Variants in SNX29 observed in about 807,000 individuals in gnomAD.
SNX29 encodes sorting nexin-29.
SNX29 carries 78 observed loss-of-function variants against 102.1 expected under a neutral mutation model. That is an observed-to-expected ratio of 0.76 (90% confidence interval 0.64 to 0.92). The LOEUF is 0.92. Among genes scored for constraint, SNX29 ranks in the 40% least tolerant of loss-of-function variants. The probability of loss-of-function intolerance (pLI) is 0.00; values close to 1 mark genes in which losing one functional copy is unlikely to be tolerated. For missense variants in SNX29, 1,280 were observed against 1,061.7 expected, an observed-to-expected ratio of 1.21 and a Z score of -2.86; for synonymous variants, 580 against 414.5, an observed-to-expected ratio of 1.40 and a Z score of -4.85.
At chr16:12,432,738 GA>G (rs1209816507) in intron 18 of SNX29, among the ~76,000 whole-genome samples, 2 of 152,174 alleles carry the variant, frequency 1.3e-5, no homozygotes, top group Non-Finnish European at 2.9e-5. Flanking sequence ...ATGTGGGAGG[GA>G]AAAAAAGTTG....
intron 20 of SNX29, among the ~76,000 whole-genome samples, chr16:12,526,384 A>G (rs1320094688): frequency 6.6e-6 from 1 of 151,974 alleles, no homozygotes; most frequent in Non-Finnish European, 1.5e-5. Flanking sequence ...GGCCCTTTGA[A>G]ATTGTCTCCA....
intron 14 of SNX29, among the ~76,000 whole-genome samples, chr16:12,231,536 AAAAAAACAAAAAAC>A (rs140335149): frequency 2.7e-5 from 4 of 150,444 alleles, no homozygotes; most frequent in East Asian, 3.9e-4. Context: ...CCTTTTTAAA[AAAAAAACAAAAAAC>A]AAAAAACAAA....
At chr16:12,264,945 A>C (rs561591977) in intron 14 of SNX29, among the ~76,000 whole-genome samples, 1 of 152,128 alleles carries the variant, frequency 6.6e-6, no homozygotes, top group Non-Finnish European at 1.5e-5. Context: ...ACCATACTAC[A>C]TGCATTTCTG....
chr16:12,344,560 G>C (rs1362955876), intron 15 of SNX29, among the ~76,000 whole-genome samples: 3 of 152,076 alleles, frequency 2.0e-5, no homozygotes, highest in Non-Finnish European at 4.4e-5. Flanking sequence ...AAGAATCTGA[G>C]AATTTTCAGA....
chr16:12,446,841 G>A (rs2086076995), intron 18 of SNX29, among the ~76,000 whole-genome samples: 2 of 152,034 alleles, frequency 1.3e-5, no homozygotes, highest in South Asian at 4.1e-4. Flanking sequence ...GCTGCCTCAT[G>A]TTCTTTATTT....
At chr16:12,342,579 C>G (rs1437692543) in intron 15 of SNX29, among the ~76,000 whole-genome samples, 1 of 152,214 alleles carries the variant, frequency 6.6e-6, no homozygotes, top group African/African-American at 2.4e-5. Context: ...GTGTGTCAAT[C>G]AAAGCTGTAA....
intron 14 of SNX29, among the ~76,000 whole-genome samples, chr16:12,235,044 CTCTT>C (rs1326879126): frequency 6.6e-6 from 1 of 152,048 alleles, no homozygotes; most frequent in Non-Finnish European, 1.5e-5. Context: ...TTGGCTTTGT[CTCTT>C]TCTCTTGGAA....
At chr16:12,138,975 G>A (rs1235378010) in intron 13 of SNX29, among the ~76,000 whole-genome samples, 1 of 152,076 alleles carries the variant, frequency 6.6e-6, no homozygotes, top group Non-Finnish European at 1.5e-5. Flanking sequence ...GGCCGAGGTA[G>A]GTGGATCACT....
At chr16:12,481,577 C>G (rs888659908) in intron 19 of SNX29, among the ~76,000 whole-genome samples, 1 of 151,520 alleles carries the variant, frequency 6.6e-6, no homozygotes, top group Non-Finnish European at 1.5e-5. Context: ...CCCTGTCGCC[C>G]AGGGTGGAGT....
At chr16:12,053,297 A>G (rs1400355273) in intron 8 of SNX29, 1 of 151,776 alleles carries the variant, frequency 6.6e-6, no homozygotes, top group Non-Finnish European at 1.5e-5. Flanking sequence ...AAAAAAAAAA[A>G]AAAAAAAAGT....
At chr16:12,391,448 A>G (rs2083526298) in intron 16 of SNX29, among the ~76,000 whole-genome samples, 1 of 152,218 alleles carries the variant, frequency 6.6e-6, no homozygotes, top group South Asian at 2.1e-4. Flanking sequence ...AGGATAATTC[A>G]GTCGTTCTTC....
intron 10 of SNX29, among the ~76,000 whole-genome samples, chr16:12,075,201 T>C (rs1015215376): frequency 6.6e-6 from 1 of 152,244 alleles, no homozygotes; most frequent in African/African-American, 2.4e-5. Flanking sequence ...GTTCCGTTGC[T>C]GGTGAGGAAC....
intron 18 of SNX29, among the ~76,000 whole-genome samples, chr16:12,458,515 A>G (rs1327679488): frequency 6.6e-6 from 1 of 152,128 alleles, no homozygotes; most frequent in South Asian, 2.1e-4. Context: ...TGTATTTATT[A>G]TGTACATTTT....
chr16:12,568,506 C>G lies in SNX29; in HGVS notation c.2319C>G (p.Val773=), dbSNP rs561666739. The change falls in exon 21 of 21, where the codon GTC becomes GTG. Residue 773 remains valine, a splice_region_variant and synonymous_variant. Transcript: ENST00000566228. ...CCCGATTCTCTCCCTGCTCTTTCAGCGACATCACCCCGCCCGGAGAGCCTG... is the reference window on the plus strand; with the variant it reads ...CCCGATTCTCTCCCTGCTCTTTCAGGGACATCACCCCGCCCGGAGAGCCTG... ...ETLIQLMPFF[V]DITPPGEPVN... 3.7e-6 allele frequency: 6 copies of G among 1,609,726 alleles called. No individual in the cohort carries two copies. Among genetic ancestry groups the G allele is most frequent in the Admixed American group, 3.3e-5 (2 of 60,022 alleles).
intron 16 of SNX29, among the ~76,000 whole-genome samples, chr16:12,366,329 T>C (rs1310354101): frequency 2.0e-5 from 3 of 152,212 alleles, no homozygotes; most frequent in Non-Finnish European, 4.4e-5. Context: ...TCCAGAATTA[T>C]TTCCCTGAGG....
intron 15 of SNX29, among the ~76,000 whole-genome samples, chr16:12,319,244 G>T (rs1256879263): frequency 3.3e-5 from 5 of 152,182 alleles, no homozygotes; most frequent in Admixed American, 6.5e-5. Flanking sequence ...GTGTTAGTGA[G>T]AACTGGCCTG....
At chr16:12,219,567 G>T (rs1182326780) in intron 14 of SNX29, among the ~76,000 whole-genome samples, 2 of 152,200 alleles carry the variant, frequency 1.3e-5, no homozygotes, top group African/African-American at 4.8e-5. Context: ...CTGGAATGCC[G>T]TGGTGTACTT....
intron 16 of SNX29, among the ~76,000 whole-genome samples, chr16:12,372,327 C>T (rs1230163919): frequency 2.0e-5 from 3 of 152,240 alleles, no homozygotes; most frequent in Non-Finnish European, 2.9e-5. Flanking sequence ...CCCCTAGTGG[C>T]GCTGTCAATA....
At chr16:12,369,063 C>T (rs2082588792) in intron 16 of SNX29, among the ~76,000 whole-genome samples, 1 of 152,160 alleles carries the variant, frequency 6.6e-6, no homozygotes, top group Non-Finnish European at 1.5e-5. Context: ...ACTCCACTCA[C>T]CTCTCCCACA....
Sources: gnomAD v4.1 joint callset for allele counts (sites outside exome capture counted in the v4.1 genomes callset) on GRCh38, gnomAD v4.1.1 for gene constraint, MANE v1.5 for transcripts, NCBI Gene and HGNC (gene_info 2026-07-23, HGNC 2026-07-21) for gene names.